SHPRH: variants seen among roughly 807,000 people sequenced by gnomAD.
SHPRH encodes the protein E3 ubiquitin-protein ligase SHPRH.
Under a neutral mutation model 202.5 loss-of-function variants are expected in SHPRH, and 106 were observed. The ratio of observed to expected loss-of-function variants is 0.52; its 90% CI spans 0.45 to 0.62. The LOEUF (loss-of-function observed/expected upper bound fraction) is 0.62, where lower values mean the gene tolerates loss of function less well. Among genes scored for constraint, SHPRH ranks in the 20% least tolerant of loss-of-function variants. SHPRH has a pLI of 0.00. For missense variants in SHPRH, 1,710 were observed against 2,020.0 expected, an observed-to-expected ratio of 0.85 and a Z score of 2.94; for synonymous variants, 729 against 686.0, an observed-to-expected ratio of 1.06 and a Z score of -0.98.
intron 1 of SHPRH, among the ~76,000 whole-genome samples, chr6:145,958,863 T>C (rs1412749926): frequency 6.6e-6 from 1 of 152,138 alleles, no homozygotes; most frequent in African/African-American, 2.4e-5. Flanking sequence ...AGATAGAGAC[T>C]CACTCTGTTG....
At chr6:145,910,168 A>G in intron 25 of SHPRH, 2 of 275,202 alleles carry the variant, frequency 7.3e-6, no homozygotes, top group Non-Finnish European at 6.9e-6. Flanking sequence ...GTGGATAGAA[A>G]TATTATAGAG....
chr6:145,913,056 A>T (rs755146025), intron 24 of SHPRH, among the ~76,000 whole-genome samples: 2 of 152,148 alleles, frequency 1.3e-5, no homozygotes, highest in Non-Finnish European at 2.9e-5. Flanking sequence ...AAGAACAAGT[A>T]TTATGAGACA....
At position 145,865,339 on chromosome 6, in the gene SHPRH, C is replaced by G. The variant is rs1779728997; in HGVS notation, c.222-848G>C. Among the ~76,000 whole-genome samples, 3 of 152,268 alleles carry G rather than the reference C, an allele frequency of 2.0e-5. No individual in the cohort carries two copies. In the South Asian group the frequency reaches 6.2e-4, roughly 32 times the overall value. On this transcript the variant is annotated intron_variant, in intron 2 of 2. Transcript: ENST00000417762. Reference sequence around the variant, plus strand: ...ACCAGAGAGCTTTCACTTTCTCTTTCCCATGTGAGGACATAGAAGTAGATG... The same window carrying G: ...ACCAGAGAGCTTTCACTTTCTCTTTGCCATGTGAGGACATAGAAGTAGATG...
At chr6:145,880,246 T>C (rs1296091953), downstream of SHPRH, among the ~76,000 whole-genome samples, 12 of 152,034 alleles carry the variant, frequency 7.9e-5, no homozygotes, top group Admixed American at 5.2e-4. Flanking sequence ...ACTGAAAAAA[T>C]TGAAACATGG....
chr6:145,944,057 C>T (rs771639125), intron 8 of SHPRH, among the ~76,000 whole-genome samples: 9 of 152,074 alleles, frequency 5.9e-5, no homozygotes, highest in Non-Finnish European at 1.3e-4. Context: ...AAGGAAGCTA[C>T]TGATATTTTG....
intron 1 of SHPRH, among the ~76,000 whole-genome samples, chr6:145,956,744 T>C (rs1231962433): frequency 2.6e-5 from 4 of 152,142 alleles, no homozygotes; most frequent in East Asian, 1.9e-4. Flanking sequence ...ATTTAGAAAA[T>C]AGTATAACAG....
chr6:145,882,192 C>G (rs1780627828), downstream of SHPRH, among the ~76,000 whole-genome samples: 1 of 151,966 alleles, frequency 6.6e-6, no homozygotes, highest in Non-Finnish European at 1.5e-5. Flanking sequence ...CTCCTGTATG[C>G]GTAAATAGTA....
chr6:145,860,912 C>A (rs1779557512), downstream of SHPRH, among the ~76,000 whole-genome samples: 1 of 152,022 alleles, frequency 6.6e-6, no homozygotes, highest in Admixed American at 6.5e-5. Context: ...ATAATCTATT[C>A]AGTAAATGGT....
Position 145,964,309 on chromosome 6 carries a change from G to A in SHPRH, c.-611C>T, listed in dbSNP as rs957947400. Reference sequence around the variant, plus strand: ...TTGCCGGAACGTGTAGGGGTCCCCCGGGAGACCCAGAAACCACAGCGCCTA... The same window carrying A: ...TTGCCGGAACGTGTAGGGGTCCCCCAGGAGACCCAGAAACCACAGCGCCTA... On this transcript the variant is annotated 5_prime_UTR_variant, in exon 1 of 30. Coordinates refer to ENST00000275233, the MANE Select transcript of SHPRH (RefSeq NM_001042683.3). 43 of 152,200 alleles carry A rather than the reference G, an allele frequency of 2.8e-4. No homozygotes were observed. The highest frequency in any genetic ancestry group is 9.4e-4 in the African/African-American group (39 of 41,448). The allele number at this position is 152,200 out of a possible 1,614,324, so 9.4% of individuals were successfully genotyped here. A position where few individuals can be genotyped will look rare whatever the true frequency, so the allele number is the denominator to read the frequency against.
At position 145,941,660 on chromosome 6, in the gene SHPRH, A is replaced by G. The variant is rs1786790467; in HGVS notation, c.2453T>C (p.Leu818Pro). The part of the protein sequence containing the change: ...LVAVEWWRIC[L>P]DEAQMVECPT... The stretch of plus-strand genomic sequence containing the variant: ...ACACTCAACCATCTGAGCTTCATCA[A>G]GGCAGATCCTCCACCACTCCACAGC... Residue 818 changes from leucine (L) to proline (P), a missense_variant, in exon 10 of 30, where the codon CTT (leucine) becomes CCT (proline). Leu to Pro is a moderately conservative substitution (Grantham distance 98). Around this residue, in one of 8 missense-constraint regions of SHPRH, gnomAD observed 277 missense variants for 363.0 expected, o/e 0.76. Transcript: ENST00000275233. 3 of 1,613,884 alleles carry G rather than the reference A, an allele frequency of 1.9e-6. No homozygotes were observed. Among genetic ancestry groups the G allele is most frequent in the African/African-American group, 1.3e-5 (1 of 74,906 alleles).
chr6:145,913,091 G>GA (rs1164220883), intron 24 of SHPRH, among the ~76,000 whole-genome samples: 5 of 152,000 alleles, frequency 3.3e-5, no homozygotes, highest in Non-Finnish European at 5.9e-5. Context: ...TAAGAACTAC[G>GA]ATTCTATACT....
At chr6:145,883,530 C>T (rs1168858653), downstream of SHPRH, 1 of 152,232 alleles carries the variant, frequency 6.6e-6, no homozygotes, top group African/African-American at 2.4e-5. Context: ...ACATAGCCTT[C>T]CTCTAAGGGA....
intron 23 of SHPRH, among the ~76,000 whole-genome samples, chr6:145,916,510 T>TA (rs148787352): frequency 2.0e-5 from 3 of 152,276 alleles, no homozygotes; most frequent in African/African-American, 7.2e-5. Context: ...TGTAATCATT[T>TA]AAAAAATCTG....
intron 2 of SHPRH, among the ~76,000 whole-genome samples, chr6:145,868,829 A>T (rs780445167): frequency 6.6e-6 from 1 of 152,246 alleles, no homozygotes; most frequent in Admixed American, 6.5e-5. Context: ...GGACAAATGT[A>T]AACATCTACA....
rs1309704203 is a variant in SHPRH, at chr6:145,913,512, G to A, written c.4292C>T (p.Pro1431Leu). 1 of 1,609,566 alleles carries A rather than the reference G, an allele frequency of 6.2e-7. No homozygotes were observed. Among genetic ancestry groups the A allele is most frequent in the Admixed American group, 1.7e-5 (1 of 59,360 alleles). Residue 1431 changes from proline to leucine, a missense_variant, in exon 24 of 30, where the codon CCT (proline) becomes CTT (leucine). By Grantham distance (98) the Pro-to-Leu change is moderately conservative. Coordinates refer to ENST00000275233, the MANE Select transcript of SHPRH (RefSeq NM_001042683.3). ...DKTSGGVNPE[P>L]CPICARQLGK... ...TAGCTGTCGAGCACAGATTGGGCAA[G>A]GTTCTGGATTAACACCTCCCGATGT... is the stretch of plus-strand genomic sequence containing the variant.
rs1788068296 is a variant in SHPRH, at chr6:145,952,386, C to T, written c.726G>A (p.Lys242=). The T allele has an allele frequency of 6.2e-7, 1 of 1,609,490 alleles. No individual in the cohort carries two copies. Among genetic ancestry groups the T allele is most frequent in the Admixed American group, 1.7e-5 (1 of 59,636 alleles). Reference sequence around the variant, plus strand: ...AATTGTGTAACTTTTCCATTACTTTCTTCATGAGCTGATTGAACTTTTTCA... The same window carrying T: ...AATTGTGTAACTTTTCCATTACTTTTTTCATGAGCTGATTGAACTTTTTCA... ...SRMKKFNQLM[K]KVMEKLHNSI... The change falls in exon 3 of 30, where the codon AAG becomes AAA. Residue 242 remains lysine, a synonymous_variant. Coordinates refer to ENST00000275233, the MANE Select transcript of SHPRH (RefSeq NM_001042683.3).
At position 145,886,441 on chromosome 6, in the gene SHPRH, C is replaced by T. The variant is rs1781011892; in HGVS notation, c.*250G>A. ...TCCCTTGCATCATCAGATATAGATA[C>T]TATTTGGGACAAAAAATAAATGTTT... On this transcript the variant is annotated 3_prime_UTR_variant, in exon 30 of 30. Transcript: ENST00000275233. 5 of 796,940 alleles carry T rather than the reference C, an allele frequency of 6.3e-6. No individual in the cohort carries two copies. The highest frequency in any genetic ancestry group is 3.4e-5 in the African/African-American group (2 of 59,128). The allele number at this position is 796,940 out of a possible 1,614,324, so 49.4% of individuals were successfully genotyped here.
At chr6:145,954,501 G>C (rs77841058) in intron 2 of SHPRH, among the ~76,000 whole-genome samples, 189 bp downstream of exon 2, 1,605 of 152,220 alleles carry the variant, frequency 0.011, 14 homozygotes, top group Non-Finnish European at 0.017. Flanking sequence ...GGAAGATCTT[G>C]AAAAAGTGTA....
At chr6:145,931,314 T>C (rs1428897409) in intron 14 of SHPRH, among the ~76,000 whole-genome samples, 4 of 151,962 alleles carry the variant, frequency 2.6e-5, no homozygotes, top group African/African-American at 7.2e-5. Context: ...GCACCCTTTT[T>C]TCTTTTTTTT....
Sources: gnomAD v4.1 joint callset for allele counts (sites outside exome capture counted in the v4.1 genomes callset) on GRCh38, gnomAD v4.1.1 for gene constraint, gnomAD v4.1.1 regional missense constraint, MANE v1.5 for transcripts, NCBI Gene and HGNC (gene_info 2026-07-23, HGNC 2026-07-21) for gene names.